DACH1: variants seen among roughly 807,000 people sequenced by gnomAD.
DACH1 encodes dachshund homolog 1.
Under a neutral mutation model 54.2 loss-of-function variants are expected in DACH1, and 12 were observed. That is an observed-to-expected ratio of 0.22 (90% confidence interval 0.14 to 0.36). The LOEUF is 0.36. Among genes scored for constraint, DACH1 ranks in the 10% least tolerant of loss-of-function variants. DACH1 has a pLI of 1.00. For synonymous variants in DACH1, 386 were observed against 366.2 expected, an observed-to-expected ratio of 1.05 and a Z score of -0.62; for missense variants, 805 against 929.8, an observed-to-expected ratio of 0.87 and a Z score of 1.75.
chr13:71,710,934 A>G (rs1882693894), intron 1 of DACH1, among the ~76,000 whole-genome samples: 1 of 152,170 alleles, frequency 6.6e-6, no homozygotes. Context: ...TAACCAATTC[A>G]TATTACAGCT....
intron 1 of DACH1, among the ~76,000 whole-genome samples, chr13:71,711,938 A>G (rs1882741083): frequency 6.6e-6 from 1 of 152,116 alleles, no homozygotes; most frequent in South Asian, 2.1e-4. Context: ...AGGTGACTTC[A>G]AGGAAAATAA....
At chr13:71,629,222 C>T (rs1876892009) in intron 3 of DACH1, among the ~76,000 whole-genome samples, 1 of 152,058 alleles carries the variant, frequency 6.6e-6, no homozygotes, top group African/African-American at 2.4e-5. Flanking sequence ...CCTCATCCCT[C>T]CCTGTCTTCC....
chr13:71,761,570 A>G (rs2138008868), intron 1 of DACH1, among the ~76,000 whole-genome samples: 1 of 152,282 alleles, frequency 6.6e-6, no homozygotes, highest in South Asian at 2.1e-4. Flanking sequence ...CTAGCCTTTA[A>G]AAATATCACC....
intron 3 of DACH1, among the ~76,000 whole-genome samples, chr13:71,618,958 G>A (rs759711504): frequency 2.0e-5 from 3 of 151,498 alleles, no homozygotes; most frequent in Non-Finnish European, 4.4e-5. Context: ...TAAGATGAAT[G>A]CACATGAATA....
intron 3 of DACH1, among the ~76,000 whole-genome samples, chr13:71,599,105 C>T (rs1336196946): frequency 2.6e-5 from 4 of 151,950 alleles, no homozygotes; most frequent in Admixed American, 2.6e-4. Flanking sequence ...ATAAGTCAAA[C>T]CATGATAAAA....
intron 3 of DACH1, among the ~76,000 whole-genome samples, chr13:71,606,985 T>C (rs575454229): frequency 1.3e-5 from 2 of 152,108 alleles, no homozygotes; most frequent in East Asian, 3.9e-4. Flanking sequence ...GGTGGCAAAA[T>C]TTTGTTCCAA....
chr13:71,537,624 G>A (rs1470453711), intron 6 of DACH1, among the ~76,000 whole-genome samples: 1 of 152,024 alleles, frequency 6.6e-6, no homozygotes, highest in Non-Finnish European at 1.5e-5. Context: ...TCCATAGAGA[G>A]AATAAATAAA....
chr13:71,631,836 T>C (rs1188489084), intron 2 of DACH1, among the ~76,000 whole-genome samples: 1 of 152,152 alleles, frequency 6.6e-6, no homozygotes, highest in Non-Finnish European at 1.5e-5. Context: ...CAGTAGCACA[T>C]GCCTATAATC....
intron 10 of DACH1, among the ~76,000 whole-genome samples, chr13:71,454,071 C>T (rs1875325049): frequency 6.6e-6 from 1 of 151,810 alleles, no homozygotes. Context: ...GCAAGAAGCA[C>T]ATTGACAGAA....
chr13:71,860,992 T>A (rs140197041), intron 1 of DACH1, among the ~76,000 whole-genome samples: 1 of 152,072 alleles, frequency 6.6e-6, no homozygotes, highest in East Asian at 1.9e-4. Flanking sequence ...CAAGAGTGAT[T>A]TATGCTCAAA....
intron 1 of DACH1, among the ~76,000 whole-genome samples, chr13:71,771,983 G>A (rs1028423966): frequency 6.6e-6 from 1 of 151,142 alleles, no homozygotes; most frequent in Admixed American, 6.6e-5. Context: ...TTACTGGCAA[G>A]TTGATCTATT....
At chr13:71,691,625 T>C (rs1479688184) in intron 1 of DACH1, among the ~76,000 whole-genome samples, 2 of 152,200 alleles carry the variant, frequency 1.3e-5, no homozygotes, top group Non-Finnish European at 2.9e-5. Flanking sequence ...AGTCAGGTTG[T>C]GAACCATGGC....
intron 5 of DACH1, among the ~76,000 whole-genome samples, chr13:71,558,565 A>G (rs1194980853): frequency 6.6e-6 from 1 of 151,922 alleles, no homozygotes; most frequent in African/African-American, 2.4e-5. Flanking sequence ...CTTTCCAATG[A>G]CAATATCTTA....
chr13:71,480,770 C>T (rs577923200), intron 7 of DACH1, among the ~76,000 whole-genome samples: 2 of 152,280 alleles, frequency 1.3e-5, no homozygotes, highest in Admixed American at 6.5e-5. Flanking sequence ...GCGCAATAGA[C>T]AGATAGTTTT....
intron 1 of DACH1, among the ~76,000 whole-genome samples, chr13:71,819,033 T>C (rs1033658824): frequency 6.6e-6 from 1 of 152,072 alleles, no homozygotes; most frequent in Non-Finnish European, 1.5e-5. Flanking sequence ...ATCAGCAGAA[T>C]TGAAGTAAAC....
chr13:71,679,516 A>G (rs1880769097), intron 2 of DACH1, among the ~76,000 whole-genome samples: 1 of 152,090 alleles, frequency 6.6e-6, no homozygotes, highest in Admixed American at 6.5e-5. Context: ...TTCTCTTATA[A>G]CTGTGAGAAA....
chr13:71,599,744 A>C (rs1874358710), intron 3 of DACH1, among the ~76,000 whole-genome samples: 1 of 151,972 alleles, frequency 6.6e-6, no homozygotes. Context: ...TTTCATACTA[A>C]TTATGCTAAT....
chr13:71,602,391 CT>C (rs1003291589), intron 3 of DACH1, among the ~76,000 whole-genome samples: 4 of 151,896 alleles, frequency 2.6e-5, no homozygotes, highest in African/African-American at 9.7e-5. Context: ...TAACTGCCTC[CT>C]TTTTTTCTTA....
intron 6 of DACH1, among the ~76,000 whole-genome samples, chr13:71,534,804 T>C (rs1421376879): frequency 1.3e-5 from 2 of 151,930 alleles, no homozygotes; most frequent in African/African-American, 2.4e-5. Flanking sequence ...TAGTGGTGCA[T>C]GGATGATTGA....
Sources: allele counts gnomAD v4.1 joint callset (sites outside exome capture counted in the v4.1 genomes callset), GRCh38; gene constraint gnomAD v4.1.1; transcripts MANE v1.5; gene names NCBI Gene and HGNC (gene_info 2026-07-23, HGNC 2026-07-21).